The following FHAD1 variants were observed in gnomAD, a reference collection of about 807,000 sequenced individuals.
FHAD1 encodes the protein forkhead-associated domain-containing protein 1.
A neutral mutation model predicts 191.3 loss-of-function variants in FHAD1; 146 were observed. That is an observed-to-expected ratio of 0.76 (90% CI 0.67 to 0.88). The LOEUF (loss-of-function observed/expected upper bound fraction) is 0.88, where lower values mean the gene tolerates loss of function less well. Ranked by LOEUF, FHAD1 falls within the 40% of genes least tolerant of loss-of-function variation. FHAD1 has a pLI of 0.00. For missense variants in FHAD1, 1,635 were observed against 1,785.8 expected, an observed-to-expected ratio of 0.92 and a Z score of 1.52; for synonymous variants, 616 against 672.3, an observed-to-expected ratio of 0.92 and a Z score of 1.29.
At chr1:15,339,668 C>T (rs965296214) in intron 15 of FHAD1, 117 bp downstream of exon 15, 2 of 351,638 alleles carry the variant, frequency 5.7e-6, no homozygotes, top group African/African-American at 4.3e-5. Context: ...TCCACACCCT[C>T]CAATAGGTGA....
In FHAD1 at chr1:15,328,593, AAGGGCCT is replaced by A. The variant is rs547777510; in HGVS notation, c.1710+166_1710+172del. On this transcript the variant is annotated intron_variant, in intron 13 of 33. Transcript: ENST00000688493. ...GAAACTTGTTGGAGAAGAAAAAACA[AAGGGCCT>A]AAAAAAATGCCTCCCGGGAGAACTT... The A allele has an allele frequency of 2.7e-3, 1,617 of 592,380 alleles. 3 individuals carry two copies. The highest frequency in any genetic ancestry group is 2.8e-3 in the Non-Finnish European group (1,043 of 374,766). 36.7% of individuals were successfully genotyped at this position (592,380 alleles called of 1,614,324 possible). A position where few individuals can be genotyped will look rare whatever the true frequency, so the allele number is the denominator to read the frequency against.
intron 21 of FHAD1, 147 bp from the exon 22 acceptor site, chr1:15,360,331 A>C: frequency 3.1e-6 from 2 of 643,832 alleles, no homozygotes; most frequent in Non-Finnish European, 5.3e-6. Context: ...GAGCTGGGGA[A>C]GAAGTGCACA....
At chr1:15,328,049 A>AAG (rs1574392440) in intron 12 of FHAD1, 4 of 234,746 alleles carry the variant, frequency 1.7e-5, no homozygotes, top group African/African-American at 8.6e-5. Flanking sequence ...AAAAAAAAAG[A>AAG]AAAGAAAAAA....
chr1:15,247,949 C>A (rs932317644), intron 1 of FHAD1, among the ~76,000 whole-genome samples: 15 of 152,102 alleles, frequency 9.9e-5, no homozygotes, highest in African/African-American at 3.1e-4. Context: ...GAGTTTAACG[C>A]ATCTAATCAC....
chr1:15,277,861 G>A (rs1223504517), intron 3 of FHAD1, among the ~76,000 whole-genome samples: 1 of 152,140 alleles, frequency 6.6e-6, no homozygotes, highest in Non-Finnish European at 1.5e-5. Context: ...GGCGGCTAAT[G>A]TTTAATGAGC....
chr1:15,297,930 CAT>C (rs1490404689), intron 5 of FHAD1, among the ~76,000 whole-genome samples: 1 of 151,738 alleles, frequency 6.6e-6, no homozygotes, highest in Non-Finnish European at 1.5e-5. Flanking sequence ...TATTTGGTTA[CAT>C]GAGTAAACTA....
chr1:15,284,109 G>C (rs1256801986), intron 3 of FHAD1, among the ~76,000 whole-genome samples: 4 of 152,130 alleles, frequency 2.6e-5, no homozygotes. Flanking sequence ...CTCGTGATTA[G>C]ATGGGGCCAC....
chr1:15,362,017 G>A (rs1694970560), intron 22 of FHAD1, among the ~76,000 whole-genome samples: 1 of 147,390 alleles, frequency 6.8e-6, no homozygotes, highest in African/African-American at 2.5e-5. Context: ...AAAAAAAAAA[G>A]AAAGAGAGAG....
At position 15,276,367 on chromosome 1, in the gene FHAD1, G is replaced by C. The variant is rs567163862; in HGVS notation, c.300+3838G>C. ...CCTCCCAAGACCTCCCAACTACCAG[G>C]TGGATGCCTTTGCAAATAACTTACC... On this transcript the variant is annotated intron_variant, in intron 3 of 33. Transcript: ENST00000688493. This position sits in a 1 kb window ranked among gnomAD's most constrained non-coding sequence, Gnocchi z 4.7. 5.9e-5 allele frequency among the ~76,000 whole-genome samples: 9 copies of C among 152,334 alleles called. No homozygotes were observed. The East Asian group carries it at 1.7e-3, about 29-fold the overall frequency.
chr1:15,281,753 A>G (rs1218482996), intron 3 of FHAD1, among the ~76,000 whole-genome samples: 1 of 116,198 alleles, frequency 8.6e-6, no homozygotes, highest in Non-Finnish European at 1.7e-5. Flanking sequence ...AGAGTGAGAC[A>G]CTGTCTCAAA....
intron 4 of FHAD1, 101 bp from the exon 5 acceptor site, chr1:15,296,583 C>T (rs917290376): frequency 9.2e-7 from 1 of 1,092,310 alleles, no homozygotes; most frequent in Non-Finnish European, 1.4e-6. Flanking sequence ...AAATATCAAT[C>T]TCTGGGGGGA....
intron 33 of FHAD1, among the ~76,000 whole-genome samples, chr1:15,392,530 C>CG (rs766350429): frequency 3.3e-5 from 5 of 149,298 alleles, no homozygotes; most frequent in South Asian, 2.1e-4. Context: ...GACTCCGTCT[C>CG]GAAAAAAAAA....
In FHAD1 at chr1:15,301,284, T is replaced by G; in HGVS notation, c.758T>G (p.Ile253Arg). 2 of 1,551,702 alleles carry G rather than the reference T, an allele frequency of 1.3e-6. No individual in the cohort carries two copies. The highest frequency in any genetic ancestry group is 1.7e-6 in the Non-Finnish European group (2 of 1,146,986). ...ATTGAATCCAAATACAAAGACGTCA[T>G]AATAGCAAACCTGCAGAATGAAGTG... is the stretch of plus-strand genomic sequence containing the variant. ...YEIESKYKDV[I>R]IANLQNEVAE... The change falls in exon 6 of 34, where the codon ATA becomes AGA. Residue 253 changes from isoleucine to arginine, a missense_variant. Ile to Arg is a moderately conservative substitution (Grantham distance 97). Coordinates refer to ENST00000688493, the MANE Select transcript of FHAD1 (RefSeq NM_001391957.1).
At chr1:15,395,525 C>G (rs1705646503) in intron 33 of FHAD1, among the ~76,000 whole-genome samples, 1 of 152,136 alleles carries the variant, frequency 6.6e-6, no homozygotes, top group South Asian at 2.1e-4. Flanking sequence ...AGTGGCATCT[C>G]ACAGCCCATT....
rs1658491538 is a variant in FHAD1, at chr1:15,276,654, T to C, written c.300+4125T>C. ...CATGTCTACCCAAAACACAAAAAAT[T>C]AGCCAGGCGTGGTGGCACATACCTA... On this transcript the variant is annotated intron_variant, in intron 3 of 33. Coordinates refer to ENST00000688493, the MANE Select transcript of FHAD1 (RefSeq NM_001391957.1). This position sits in a 1 kb window ranked among gnomAD's most constrained non-coding sequence, Gnocchi z 4.7. 2.0e-5 allele frequency among the ~76,000 whole-genome samples: 3 copies of C among 152,070 alleles called. No individual in the cohort carries two copies. Among genetic ancestry groups the C allele is most frequent in the Middle Eastern group, 3.4e-3 (1 of 294 alleles).
Position 15,358,137 on chromosome 1 carries a change from G to A in FHAD1, c.2590G>A (p.Asp864Asn), listed in dbSNP as rs1044108077. 6.6e-7 allele frequency: 1 copy of A among 1,511,754 alleles called. No homozygotes were observed. Among genetic ancestry groups the A allele is most frequent in the African/African-American group, 1.4e-5 (1 of 70,350 alleles). 93.6% of individuals were successfully genotyped at this position (1,511,754 alleles called of 1,614,324 possible). ...ATTAGAATTAAAAGAGCAAAAAGAG[G>A]ACGTTTTAAATAATAAATTAAGTGA... ...EELELKEQKE[D>N]VLNNKLSDAL... is the part of the protein sequence containing the mutation. The change falls in exon 21 of 34, where the codon GAC becomes AAC. Residue 864 changes from aspartate (D) to asparagine (N), a missense_variant. Asp to Asn is a conservative substitution (Grantham distance 23). Transcript: ENST00000688493.
chr1:15,363,498 C>T (rs903974111), intron 23 of FHAD1, among the ~76,000 whole-genome samples: 3 of 152,188 alleles, frequency 2.0e-5, no homozygotes, highest in Non-Finnish European at 2.9e-5. Context: ...GCCTTAGCTT[C>T]CACATTTGTG....
At chr1:15,328,226 C>A in intron 12 of FHAD1, 51 bp from the exon 13 acceptor site, 1 of 1,425,232 alleles carries the variant, frequency 7.0e-7, no homozygotes, top group African/African-American at 1.5e-5. Flanking sequence ...GGCCCCCCAC[C>A]CCTGTATGTT....
chr1:15,266,284 A>T (rs1444352845), intron 2 of FHAD1, among the ~76,000 whole-genome samples: 1 of 151,456 alleles, frequency 6.6e-6, no homozygotes, highest in African/African-American at 2.4e-5. Context: ...TAATTCTTTC[A>T]TTTTTGTAGA....
Sources: gnomAD v4.1 joint callset for allele counts (sites outside exome capture counted in the v4.1 genomes callset) on GRCh38, gnomAD v4.1.1 for gene constraint, Gnocchi (gnomAD v3.1) non-coding constraint, MANE v1.5 for transcripts, NCBI Gene and HGNC (gene_info 2026-07-23, HGNC 2026-07-21) for gene names.